ARFGEF1: variants seen among roughly 807,000 people sequenced by gnomAD.
The protein encoded by ARFGEF1 is ARF guanine nucleotide exchange factor 1.
ARFGEF1 carries 42 observed loss-of-function variants against 231.0 expected under a neutral mutation model. The observed-to-expected ratio is 0.18, with a 90% CI of 0.14 to 0.24. The LOEUF (loss-of-function observed/expected upper bound fraction) is 0.24. Ranked by LOEUF, ARFGEF1 falls within the 10% of genes least tolerant of loss-of-function variation. The pLI is 1.00. For synonymous variants in ARFGEF1, 710 were observed against 732.3 expected, an observed-to-expected ratio of 0.97 and a Z score of 0.49; for missense variants, 1,345 against 2,192.0, an observed-to-expected ratio of 0.61 and a Z score of 7.72.
At chr8:67,193,495 G>C (rs1274510744), downstream of ARFGEF1, 1 of 1,613,254 alleles carries the variant, frequency 6.2e-7, no homozygotes, top group Non-Finnish European at 8.5e-7. Flanking sequence ...GCACCAGATG[G>C]TCTCTCTCTA....
At chr8:67,209,587 T>A (rs1838650579) in intron 34 of ARFGEF1, among the ~76,000 whole-genome samples, 1 of 152,222 alleles carries the variant, frequency 6.6e-6, no homozygotes. Context: ...AAATTTCACC[T>A]CAGGTTTTAA....
Position 67,267,447 on chromosome 8 carries a change from G to A in ARFGEF1, c.1573-5C>T, listed in dbSNP as rs912598240. 2 of 1,537,010 alleles carry A rather than the reference G, an allele frequency of 1.3e-6. No homozygotes were observed. Among genetic ancestry groups the A allele is most frequent in the Admixed American group, 3.5e-5 (2 of 57,404 alleles). ...GAAAATTTCTTTAAAGAACACCTGT[G>A]ATTAGGAGAAAACTTCTGTTTAAAA... is the stretch of plus-strand genomic sequence containing the variant. On this transcript the variant is annotated splice_region_variant and splice_polypyrimidine_tract_variant and intron_variant, in intron 10 of 38. Coordinates refer to ENST00000262215, the MANE Select transcript of ARFGEF1 (RefSeq NM_006421.5).
intron 34 of ARFGEF1, among the ~76,000 whole-genome samples, chr8:67,210,384 G>A (rs1224903904): frequency 3.3e-5 from 5 of 151,594 alleles, no homozygotes; most frequent in African/African-American, 9.7e-5. Flanking sequence ...GGAGGCTAAG[G>A]TGGGAAGATC....
chr8:67,310,808 A>T lies in ARFGEF1; in HGVS notation c.125-8342T>A, dbSNP rs180792823. Among the ~76,000 whole-genome samples, 327 of 139,430 alleles carry T rather than the reference A, an allele frequency of 2.3e-3. 3 individuals carry two copies. Among genetic ancestry groups the T allele is most frequent in the African/African-American group, 8.8e-3 (318 of 36,138 alleles). 91.5% of individuals were successfully genotyped at this position (139,430 alleles called of 152,430 possible). On this transcript the variant is annotated intron_variant, in intron 1 of 38. Coordinates refer to ENST00000262215, the MANE Select transcript of ARFGEF1 (RefSeq NM_006421.5). ...GCTGCCCCATCTGAGAAGTGAAGAG[A>T]CCCTGTGCCTGGCAACCACCCCGTC...
chr8:67,271,113 C>T (rs1439725977), intron 10 of ARFGEF1, among the ~76,000 whole-genome samples: 1 of 150,782 alleles, frequency 6.6e-6, no homozygotes, highest in African/African-American at 2.4e-5. Context: ...GAAAACATCC[C>T]TAATTTAGTT....
chr8:67,258,065 A>G lies in ARFGEF1; in HGVS notation c.2441+20T>C. On this transcript the variant is annotated intron_variant, in intron 16 of 38. Transcript: ENST00000262215. ...GTTTGGATATAACAGACAATCAATG[A>G]GCATTTGAACCTTATTTACCCTTGG... is the stretch of plus-strand genomic sequence containing the variant. 1 of 1,586,998 alleles carries G rather than the reference A, an allele frequency of 6.3e-7. No individual in the cohort carries two copies. Among genetic ancestry groups the G allele is most frequent in the Non-Finnish European group, 8.7e-7 (1 of 1,155,628 alleles).
At chr8:67,239,734 A>T (rs550514955) in intron 20 of ARFGEF1, among the ~76,000 whole-genome samples, 1 of 152,336 alleles carries the variant, frequency 6.6e-6, no homozygotes, top group East Asian at 1.9e-4. Context: ...GACTTCTTTC[A>T]TGAAAATTAT....
chr8:67,317,977 C>T (rs918013404), intron 1 of ARFGEF1, among the ~76,000 whole-genome samples: 1 of 151,374 alleles, frequency 6.6e-6, no homozygotes, highest in Non-Finnish European at 1.5e-5. Context: ...GTGGCTCACA[C>T]CTGTAATTCC....
chr8:67,288,117 T>C (rs190920787), intron 6 of ARFGEF1, 52 bp from the exon 7 acceptor site: 197 of 1,218,052 alleles, frequency 1.6e-4, no homozygotes, highest in African/African-American at 7.7e-4. Flanking sequence ...TTTGGAAGCT[T>C]TTTACTAAAC....
intron 1 of ARFGEF1, among the ~76,000 whole-genome samples, chr8:67,314,538 A>C (rs1807217022): frequency 6.6e-6 from 1 of 152,110 alleles, no homozygotes; most frequent in African/African-American, 2.4e-5. Flanking sequence ...ACAGACCTTC[A>C]GCTTCTCCAG....
intron 29 of ARFGEF1, among the ~76,000 whole-genome samples, chr8:67,222,843 C>T (rs1839246268): frequency 6.6e-6 from 1 of 152,130 alleles, no homozygotes; most frequent in Non-Finnish European, 1.5e-5. Flanking sequence ...ACCTTGGCCT[C>T]CCAAAATGCT....
intron 22 of ARFGEF1, 131 bp downstream of exon 22, chr8:67,238,212 C>A: frequency 1.1e-6 from 1 of 936,754 alleles, no homozygotes; most frequent in South Asian, 2.2e-5. Flanking sequence ...CCTTAGTCAT[C>A]TTGCTTTTTC....
At chr8:67,207,869 G>A (rs1433883304) in intron 34 of ARFGEF1, among the ~76,000 whole-genome samples, 1 of 152,188 alleles carries the variant, frequency 6.6e-6, no homozygotes, top group Non-Finnish European at 1.5e-5. Context: ...TCTTCCAGGG[G>A]AGCGAGAGTG....
chr8:67,326,212 G>A (rs1807826236), intron 1 of ARFGEF1, among the ~76,000 whole-genome samples: 1 of 151,946 alleles, frequency 6.6e-6, no homozygotes, highest in African/African-American at 2.4e-5. Flanking sequence ...AATAAAAAAA[G>A]AAATAAAAGA....
downstream of ARFGEF1, among the ~76,000 whole-genome samples, chr8:67,194,967 C>T (rs1837538173): frequency 6.6e-6 from 1 of 151,972 alleles, no homozygotes; most frequent in African/African-American, 2.4e-5. Context: ...ATTCCCCAAA[C>T]CTTGCTTTAA....
chr8:67,282,933 A>G (rs1805598119), intron 7 of ARFGEF1, among the ~76,000 whole-genome samples: 1 of 152,068 alleles, frequency 6.6e-6, no homozygotes, highest in Admixed American at 6.5e-5. Flanking sequence ...AAATATTTAC[A>G]ATACACTGAA....
intron 10 of ARFGEF1, among the ~76,000 whole-genome samples, chr8:67,269,804 G>A (rs1454986251): frequency 6.6e-6 from 1 of 152,062 alleles, no homozygotes; most frequent in South Asian, 2.1e-4. Flanking sequence ...TTTGTAATGA[G>A]AATCTGACAT....
rs1412321111 is a variant in ARFGEF1 at position 67,270,418 on chromosome 8, G to A, written c.1572+1284C>T. Among the ~76,000 whole-genome samples the A allele has an allele frequency of 7.2e-5, 11 of 152,184 alleles. No individual in the cohort carries two copies. In the East Asian group the frequency reaches 7.7e-4, roughly 11 times the overall value. ...ATAATATGACTATTTTAGCCATTTC[G>A]AAATTCTGGAAAAATAATTTATCCT... On this transcript the variant is annotated intron_variant, in intron 10 of 38. Transcript: ENST00000262215.
In ARFGEF1 at chr8:67,190,784, T is replaced by C. The variant is rs1359833298; in HGVS notation, c.560+9612A>G. ...TGTATGTATGAGACTTTTCTCCCCC[T>C]TTTCAACTTAGAAGAATGAGAGGTC... On this transcript the variant is annotated intron_variant, in intron 5 of 5. Coordinates refer to the ARFGEF1 transcript ENST00000518789. 5 of 1,509,728 alleles carry C rather than the reference T, an allele frequency of 3.3e-6. No homozygotes were observed. In the African/African-American group the frequency reaches 4.1e-5, roughly 12 times the overall value. The allele number at this position is 1,509,728 out of a possible 1,614,324, so 93.5% of individuals were successfully genotyped here. A position where few individuals can be genotyped will look rare whatever the true frequency, so the allele number is the denominator to read the frequency against.
Sources: gnomAD v4.1 joint callset for allele counts (sites outside exome capture counted in the v4.1 genomes callset) on GRCh38, gnomAD v4.1.1 for gene constraint, MANE v1.5 for transcripts, NCBI Gene and HGNC (gene_info 2026-07-23, HGNC 2026-07-21) for gene names.